LIPF: variants seen among roughly 807,000 people sequenced by gnomAD.
The protein encoded by LIPF is gastric triacylglycerol lipase.
In LIPF, 25 loss-of-function variants were observed where a neutral mutation model predicts 38.0. That is an observed-to-expected ratio of 0.66 (90% CI 0.48 to 0.92). LIPF has a LOEUF of 0.92. LIPF is among the 40% of genes least tolerant of loss of function. The probability of loss-of-function intolerance (pLI) is 0.00; values close to 1 mark genes in which losing one functional copy is unlikely to be tolerated. For missense variants in LIPF, 410 were observed against 469.9 expected, an observed-to-expected ratio of 0.87 and a Z score of 1.18; for synonymous variants, 161 against 156.2, an observed-to-expected ratio of 1.03 and a Z score of -0.23.
chr10:88,665,979 C>G (rs11202804), intron 1 of LIPF, among the ~76,000 whole-genome samples: 9,479 of 152,028 alleles, frequency 0.062, 398 homozygotes, highest in African/African-American at 0.12. Context: ...CCTCCTGATC[C>G]GCCCGCCTCG....
In LIPF at chr10:88,678,454, C is replaced by A. The variant is rs2134651132; in HGVS notation, c.970C>A (p.Pro324Thr). Residue 324 changes from proline (P) to threonine (T), a missense_variant, in exon 10 of 10, where the codon CCC becomes ACC. Physicochemically the swap from Pro to Thr is conservative, Grantham distance 38. Coordinates refer to ENST00000238983, the MANE Select transcript of LIPF (RefSeq NM_004190.4). ...CTCTTGTGTTTTCTAGTCCCAACCTCCCTACTACAATGTGACAGCCATGAA... is the reference window on the plus strand; with the variant it reads ...CTCTTGTGTTTTCTAGTCCCAACCTACCTACTACAATGTGACAGCCATGAA... ...NRMHYDQSQPPYYNVTAMNVP... is the reference protein window; with the variant it reads ...NRMHYDQSQPTYYNVTAMNVP... 1 of 1,613,432 alleles carries A rather than the reference C, an allele frequency of 6.2e-7. No homozygotes were observed. Among genetic ancestry groups the A allele is most frequent in the Non-Finnish European group, 8.5e-7 (1 of 1,179,356 alleles).
At chr10:88,674,084 A>ATT (rs1268015074) in intron 7 of LIPF, among the ~76,000 whole-genome samples, 1 of 152,234 alleles carries the variant, frequency 6.6e-6, no homozygotes, top group Non-Finnish European at 1.5e-5. Flanking sequence ...TATTGAATAA[A>ATT]TGTTTTCAAT....
intron 1 of LIPF, among the ~76,000 whole-genome samples, chr10:88,664,717 A>C (rs1419842556): frequency 6.6e-6 from 1 of 152,140 alleles, no homozygotes; most frequent in African/African-American, 2.4e-5. Flanking sequence ...TTATTATTGC[A>C]ATTAGTGCCT....
At position 88,670,406 on chromosome 10, in the gene LIPF, T is replaced by G. The variant is rs139779214; in HGVS notation, c.532+460T>G. Among the ~76,000 whole-genome samples, 454 of 152,294 alleles carry G rather than the reference T, an allele frequency of 3.0e-3. 4 individuals are homozygous for G. The highest frequency in any genetic ancestry group is 7.8e-4 in the Non-Finnish European group (53 of 68,014). On this transcript the variant is annotated intron_variant, in intron 5 of 9. Coordinates refer to ENST00000238983, the MANE Select transcript of LIPF (RefSeq NM_004190.4). ...AAATGTAATATATTTTAGATAATGC[T>G]AAAGCTATGGAGAGAAAATAACCCA...
intron 8 of LIPF, 122 bp downstream of exon 8, chr10:88,675,779 C>A: frequency 1.7e-6 from 1 of 574,754 alleles, no homozygotes; most frequent in Non-Finnish European, 3.1e-6. Flanking sequence ...CTGGCACTGA[C>A]TACCATACAA....
In LIPF at chr10:88,673,587, G is replaced by T; in HGVS notation, c.670-1G>T. 1 of 1,606,246 alleles carries T rather than the reference G, an allele frequency of 6.2e-7. No individual in the cohort carries two copies. The highest frequency in any genetic ancestry group is 1.3e-5 in the African/African-American group (1 of 74,546). ...CCTCTAATAGTGCCTTTATTTTTCA[G>T]TTTATATTTGGTGACAAAATATTCT... On this transcript the variant is annotated splice_acceptor_variant, in intron 6 of 9. Coordinates refer to ENST00000238983, the MANE Select transcript of LIPF (RefSeq NM_004190.4). LOFTEE classifies it high-confidence loss of function.
intron 6 of LIPF, among the ~76,000 whole-genome samples, chr10:88,672,507 G>T (rs1841614832): frequency 6.6e-6 from 1 of 152,028 alleles, no homozygotes. Context: ...TAAGTCAGTG[G>T]TGTGGATTTC....
At chr10:88,667,223 T>G (rs1041500610) in intron 1 of LIPF, 64 bp from the exon 2 acceptor site, 2 of 902,938 alleles carry the variant, frequency 2.2e-6, no homozygotes, top group Admixed American at 4.4e-5. Flanking sequence ...AAAATTGGCA[T>G]AAAATATAAG....
chr10:88,665,563 G>T (rs1197218347), intron 1 of LIPF: 17 of 1,534,348 alleles, frequency 1.1e-5, no homozygotes, highest in Non-Finnish European at 1.4e-5. Flanking sequence ...GCAAACAGTA[G>T]GTTAAGTGTC....
intron 1 of LIPF, chr10:88,665,334 A>G: frequency 4.0e-6 from 2 of 502,530 alleles, no homozygotes; most frequent in East Asian, 2.9e-5. Context: ...TTCCCCTAAC[A>G]TAGAGAAATG....
At chr10:88,666,628 G>A (rs763140855) in intron 1 of LIPF, among the ~76,000 whole-genome samples, 6 of 152,036 alleles carry the variant, frequency 3.9e-5, no homozygotes, top group African/African-American at 1.4e-4. Context: ...AAGCCCAGGC[G>A]GGAAGATACC....
chr10:88,674,803 C>T (rs1590114155), intron 7 of LIPF, among the ~76,000 whole-genome samples: 1 of 152,132 alleles, frequency 6.6e-6, no homozygotes, highest in African/African-American at 2.4e-5. Flanking sequence ...TACCCTTGAA[C>T]ACCTAAGAAA....
At chr10:88,667,710 C>A in intron 3 of LIPF, 24 bp downstream of exon 3, 1 of 933,682 alleles carries the variant, frequency 1.1e-6, no homozygotes, top group Admixed American at 2.1e-5. Context: ...TCTTTTCTTC[C>A]TTCCTTTCTC....
At position 88,671,349 on chromosome 10, in the gene LIPF, G is replaced by T. The variant is rs189635880; in HGVS notation, c.533-480G>T. The stretch of plus-strand genomic sequence containing the variant: ...GTGGTTCTTAGAGATTAGGTGGCTT[G>T]TCCAAGGTCACAAAGCTAATAAACC... On this transcript the variant is annotated intron_variant, in intron 5 of 9. Transcript: ENST00000238983. Among the ~76,000 whole-genome samples, 10 of 152,232 alleles carry T rather than the reference G, an allele frequency of 6.6e-5. No homozygotes were observed. The East Asian group carries it at 1.7e-3, about 26-fold the overall frequency.
chr10:88,666,861 T>C (rs1008454205), intron 1 of LIPF, among the ~76,000 whole-genome samples: 1 of 152,110 alleles, frequency 6.6e-6, no homozygotes, highest in African/African-American at 2.4e-5. Flanking sequence ...TATACAGAGA[T>C]TGGATATAGA....
At chr10:88,675,976 C>T (rs1264992676) in intron 8 of LIPF, among the ~76,000 whole-genome samples, 1 of 152,100 alleles carries the variant, frequency 6.6e-6, no homozygotes, top group African/African-American at 2.4e-5. Flanking sequence ...AATGCTATCC[C>T]TCCCCCCAGC....
At chr10:88,665,685 G>T (rs1239639424) in intron 1 of LIPF, 7 of 530,216 alleles carry the variant, frequency 1.3e-5, no homozygotes, top group East Asian at 3.8e-5. Flanking sequence ...TTATATATTA[G>T]TTTATCTCTT....
At chr10:88,676,309 C>T (rs374982777) in intron 9 of LIPF, 29 bp downstream of exon 9, 1,828 of 1,321,226 alleles carry the variant, frequency 1.4e-3, no homozygotes, top group Non-Finnish European at 1.5e-3. Flanking sequence ...GAATTATTCA[C>T]ATTTTGAACA....
At chr10:88,676,762 T>C (rs1462233110) in intron 9 of LIPF, among the ~76,000 whole-genome samples, 1 of 152,230 alleles carries the variant, frequency 6.6e-6, no homozygotes, top group Non-Finnish European at 1.5e-5. Context: ...GGAAATATTT[T>C]ACAATAGGCA....
Sources: gnomAD v4.1 joint callset for allele counts (sites outside exome capture counted in the v4.1 genomes callset) on GRCh38, gnomAD v4.1.1 for gene constraint, MANE v1.5 for transcripts, NCBI Gene and HGNC (gene_info 2026-07-23, HGNC 2026-07-21) for gene names.